RAP1GDS1: variants seen among roughly 807,000 people sequenced by gnomAD.
RAP1GDS1 encodes the protein RAP1, GTP-GDP dissociation stimulator 1.
RAP1GDS1 carries 35 observed loss-of-function variants against 71.1 expected under a neutral mutation model. The ratio of observed to expected loss-of-function variants is 0.49; its 90% CI spans 0.38 to 0.65. The LOEUF (loss-of-function observed/expected upper bound fraction) is 0.65, where lower values mean the gene tolerates loss of function less well. Ranked by LOEUF, RAP1GDS1 falls within the 30% of genes least tolerant of loss-of-function variation. The pLI, the probability that RAP1GDS1 is intolerant of heterozygous loss-of-function variation, is 0.00. For missense variants in RAP1GDS1, 663 were observed against 706.1 expected, an observed-to-expected ratio of 0.94 and a Z score of 0.69; for synonymous variants, 229 against 243.1, an observed-to-expected ratio of 0.94 and a Z score of 0.54.
chr4:98,320,523 A>G (rs1420380218), intron 2 of RAP1GDS1, among the ~76,000 whole-genome samples: 11 of 152,326 alleles, frequency 7.2e-5, no homozygotes, highest in East Asian at 1.9e-4. Flanking sequence ...CTGCATTTCC[A>G]TCTGAGCTTT....
intron 7 of RAP1GDS1, among the ~76,000 whole-genome samples, chr4:98,406,720 A>G (rs931930282): frequency 3.3e-5 from 5 of 152,094 alleles, no homozygotes; most frequent in African/African-American, 1.2e-4. Context: ...TACATATGAA[A>G]CATTTAAGAA....
intron 7 of RAP1GDS1, 125 bp from the exon 8 acceptor site, chr4:98,416,620 G>A: frequency 2.4e-6 from 2 of 838,704 alleles, no homozygotes; most frequent in Non-Finnish European, 1.7e-6. Context: ...AAAGTGCTGG[G>A]ATTACAGGCG....
intron 2 of RAP1GDS1, among the ~76,000 whole-genome samples, chr4:98,337,273 A>G (rs1311627753): frequency 6.6e-6 from 1 of 152,206 alleles, no homozygotes; most frequent in Non-Finnish European, 1.5e-5. Flanking sequence ...CAGTTTAGCT[A>G]TCCCAAAATA....
chr4:98,293,908 G>A (rs1727338782), intron 2 of RAP1GDS1, among the ~76,000 whole-genome samples: 1 of 151,974 alleles, frequency 6.6e-6, no homozygotes, highest in African/African-American at 2.4e-5. Flanking sequence ...AACAGAGGGG[G>A]AGCTTAAAAC....
intron 4 of RAP1GDS1, among the ~76,000 whole-genome samples, chr4:98,367,768 C>A (rs1310732055): frequency 6.6e-6 from 1 of 152,188 alleles, no homozygotes; most frequent in East Asian, 1.9e-4. Flanking sequence ...TTTGTTTTGG[C>A]CAGTGCCTCC....
intron 1 of RAP1GDS1, among the ~76,000 whole-genome samples, chr4:98,290,838 G>A (rs972832117): frequency 6.6e-6 from 1 of 152,068 alleles, no homozygotes; most frequent in Non-Finnish European, 1.5e-5. Context: ...CTGAATAAAA[G>A]AAGGGAGGAC....
chr4:98,279,447 T>C (rs562451247), intron 1 of RAP1GDS1, among the ~76,000 whole-genome samples: 83 of 151,706 alleles, frequency 5.5e-4, no homozygotes, highest in Non-Finnish European at 1.1e-3. Context: ...TTCAGATAAC[T>C]AGTAAATGAT....
intron 1 of RAP1GDS1, among the ~76,000 whole-genome samples, chr4:98,281,775 T>C (rs975695055): frequency 6.6e-6 from 1 of 152,228 alleles, no homozygotes; most frequent in African/African-American, 2.4e-5. Context: ...TATTTTGAGA[T>C]ACTTTCCATC....
intron 12 of RAP1GDS1, 95 bp from the exon 13 acceptor site, chr4:98,433,841 T>TC: frequency 8.0e-7 from 1 of 1,250,476 alleles, no homozygotes; most frequent in Admixed American, 2.1e-5. Flanking sequence ...CAGGACACTG[T>TC]CGCAAAACCA....
At chr4:98,289,554 C>CAAAAAAAAAAAAAAAAAA (rs6148589) in intron 1 of RAP1GDS1, among the ~76,000 whole-genome samples, 2 of 101,988 alleles carry the variant, frequency 2.0e-5, no homozygotes, top group Non-Finnish European at 4.0e-5. Flanking sequence ...CTCTGGTAAA[C>CAAAAAAAAAAAAAAAAAA]AAAAAAAAAA....
chr4:98,331,342 CGGAGAG>C (rs1265183278), intron 2 of RAP1GDS1, among the ~76,000 whole-genome samples: 1 of 120,604 alleles, frequency 8.3e-6, no homozygotes, highest in Non-Finnish European at 1.6e-5. Context: ...ACAGAGACCA[CGGAGAG>C]GGAGAGGGAG....
chr4:98,400,538 A>AG (rs1553997199), intron 6 of RAP1GDS1, among the ~76,000 whole-genome samples: 1 of 150,714 alleles, frequency 6.6e-6, no homozygotes. Context: ...TAAAAAAAAA[A>AG]AAAAAAAAAC....
At position 98,443,819 on chromosome 4, in the gene RAP1GDS1, C is replaced by T; in HGVS notation, c.*1702C>T. On this transcript the variant is annotated 3_prime_UTR_variant, in exon 15 of 15. Transcript: ENST00000408927. The stretch of plus-strand genomic sequence containing the variant: ...GAAAGACATCTGTAATGTTGCATAT[C>T]TGTTCATATTAATAACTTAATAAAT... 1 of 180,656 alleles carries T rather than the reference C, an allele frequency of 5.5e-6. No homozygotes were observed. Among genetic ancestry groups the T allele is most frequent in the East Asian group, 9.1e-5 (1 of 11,004 alleles). The allele number at this position is 180,656 out of a possible 1,614,324, so 11.2% of individuals were successfully genotyped here.
chr4:98,432,887 A>C (rs1005683192), intron 12 of RAP1GDS1, among the ~76,000 whole-genome samples: 1 of 152,224 alleles, frequency 6.6e-6, no homozygotes, highest in African/African-American at 2.4e-5. Context: ...ACTAGAAATA[A>C]AGGTGAACAT....
At chr4:98,325,584 A>G (rs1334107464) in intron 2 of RAP1GDS1, among the ~76,000 whole-genome samples, 14 of 150,722 alleles carry the variant, frequency 9.3e-5, no homozygotes, top group African/African-American at 3.2e-4. Flanking sequence ...ATGGAATACT[A>G]TGCAGCCATA....
chr4:98,277,408 T>C (rs1486124359), intron 1 of RAP1GDS1, among the ~76,000 whole-genome samples: 1 of 152,252 alleles, frequency 6.6e-6, no homozygotes, highest in African/African-American at 2.4e-5. Context: ...TAAACCATGC[T>C]GAGCTTTCAA....
intron 12 of RAP1GDS1, among the ~76,000 whole-genome samples, chr4:98,430,175 G>A (rs1157994840): frequency 6.6e-6 from 1 of 152,082 alleles, no homozygotes; most frequent in East Asian, 1.9e-4. Flanking sequence ...ACTGTGGCAT[G>A]GTACCCTTTT....
At chr4:98,438,588 A>ATATATATATATATATATATATATTT (rs1214035409) in intron 14 of RAP1GDS1, among the ~76,000 whole-genome samples, 1 of 86,942 alleles carries the variant, frequency 1.2e-5, no homozygotes, top group South Asian at 3.3e-4. Context: ...ATATATATAT[A>ATATATATATATATATATATATATTT]TCTTTTTTTT....
At chr4:98,264,403 A>T (rs116753470) in intron 1 of RAP1GDS1, among the ~76,000 whole-genome samples, 4,302 of 151,664 alleles carry the variant, frequency 0.028, 76 homozygotes, top group Non-Finnish European at 0.036. Flanking sequence ...TCTCAAAAAA[A>T]ATATATATAT....
Sources: allele counts gnomAD v4.1 joint callset (sites outside exome capture counted in the v4.1 genomes callset), GRCh38; gene constraint gnomAD v4.1.1; transcripts MANE v1.5; gene names NCBI Gene and HGNC (gene_info 2026-07-23, HGNC 2026-07-21).